Variants in FRAS1 observed in about 807,000 individuals in gnomAD.
FRAS1 encodes Fraser extracellular matrix complex subunit 1.
Under a neutral mutation model 435.2 loss-of-function variants are expected in FRAS1, and 290 were observed. The observed-to-expected ratio is 0.67, with a 90% CI of 0.61 to 0.73. The LOEUF (loss-of-function observed/expected upper bound fraction) is 0.73, where lower values mean the gene tolerates loss of function less well. FRAS1 is among the 30% of genes least tolerant of loss of function. The probability of loss-of-function intolerance (pLI) is 0.00; values close to 1 mark genes in which losing one functional copy is unlikely to be tolerated. For missense variants in FRAS1, 4,860 were observed against 5,001.5 expected (o/e 0.97, Z 0.85); for synonymous variants, 1,800 against 1,851.0 (o/e 0.97, Z 0.71).
At chr4:78,473,403 C>T (rs956527616) in intron 52 of FRAS1, 35 bp from the exon 53 acceptor site, 1 of 1,585,794 alleles carries the variant, frequency 6.3e-7, no homozygotes, top group Non-Finnish European at 8.6e-7. Context: ...CGTTACATCC[C>T]TGGGTTAATT....
intron 14 of FRAS1, among the ~76,000 whole-genome samples, chr4:78,304,637 T>C (rs956828419): frequency 6.6e-6 from 1 of 152,124 alleles, no homozygotes; most frequent in Non-Finnish European, 1.5e-5. Flanking sequence ...TTCTAGATTT[T>C]CTAGTTTATT....
chr4:78,117,573 C>G (rs574092242), intron 2 of FRAS1, among the ~76,000 whole-genome samples: 2 of 152,264 alleles, frequency 1.3e-5, no homozygotes, highest in South Asian at 2.1e-4. Flanking sequence ...CGCTTCATTT[C>G]ATTCATTTGC....
intron 2 of FRAS1, among the ~76,000 whole-genome samples, chr4:78,089,818 G>T (rs368516902): frequency 1.3e-4 from 19 of 151,924 alleles, no homozygotes; most frequent in African/African-American, 4.4e-4. Flanking sequence ...TAGAGAAATC[G>T]TGTCATGGGA....
chr4:78,288,675 A>C (rs1727735232), intron 14 of FRAS1, among the ~76,000 whole-genome samples: 1 of 152,064 alleles, frequency 6.6e-6, no homozygotes, highest in Non-Finnish European at 1.5e-5. Flanking sequence ...TTTATGCATA[A>C]AATAAGGAGA....
intron 5 of FRAS1, among the ~76,000 whole-genome samples, chr4:78,254,914 G>A (rs541403465): frequency 1.3e-5 from 2 of 152,202 alleles, no homozygotes; most frequent in African/African-American, 4.8e-5. Flanking sequence ...GGTGCATAGG[G>A]CGCATGCAAC....
chr4:78,333,327 C>T lies in FRAS1; in HGVS notation c.2193C>T (p.Asp731=), dbSNP rs972344214. Residue 731 remains aspartate, a synonymous_variant, in exon 19 of 74, where the codon GAC becomes GAT. Coordinates refer to ENST00000512123, the MANE Select transcript of FRAS1 (RefSeq NM_025074.7). ...CAGKSPHNCT[D]CGPSHVLLDG... ...GGAAAAGCCCACATAACTGCACAGA[C>T]TGTGGGCCTTCCCATGTGCTGTTGG... 3 of 1,612,522 alleles carry T rather than the reference C, an allele frequency of 1.9e-6. No homozygotes were observed. Among genetic ancestry groups the T allele is most frequent in the African/African-American group, 2.7e-5 (2 of 74,920 alleles).
intron 14 of FRAS1, among the ~76,000 whole-genome samples, chr4:78,304,650 C>A (rs542253871): frequency 6.6e-6 from 1 of 151,870 alleles, no homozygotes; most frequent in Non-Finnish European, 1.5e-5. Context: ...AGTTTATTTG[C>A]GTAGAGGTGT....
At chr4:78,312,766 A>C (rs1729076936) in intron 15 of FRAS1, among the ~76,000 whole-genome samples, 4 of 152,074 alleles carry the variant, frequency 2.6e-5, no homozygotes, top group South Asian at 4.2e-4. Flanking sequence ...TGAGAGATTG[A>C]AGCAGCAGTG....
intron 18 of FRAS1, among the ~76,000 whole-genome samples, chr4:78,321,836 G>A (rs977119414): frequency 7.2e-5 from 7 of 96,920 alleles, no homozygotes; most frequent in Admixed American, 3.3e-4. Flanking sequence ...ACAAAACTTC[G>A]TCAAAAAAAA....
intron 63 of FRAS1, among the ~76,000 whole-genome samples, 169 bp downstream of exon 63, chr4:78,509,175 T>C (rs1246089125): frequency 6.6e-6 from 1 of 152,210 alleles, no homozygotes; most frequent in Non-Finnish European, 1.5e-5. Flanking sequence ...GGTTATATGC[T>C]GTAATAGAAA....
chr4:78,136,266 A>G (rs1719914187), intron 2 of FRAS1, among the ~76,000 whole-genome samples: 1 of 152,228 alleles, frequency 6.6e-6, no homozygotes, highest in Non-Finnish European at 1.5e-5. Flanking sequence ...TGTCTACAGT[A>G]TGGGAGCTGA....
intron 70 of FRAS1, among the ~76,000 whole-genome samples, chr4:78,529,364 C>CTA (rs1424073843): frequency 1.3e-5 from 2 of 151,826 alleles, no homozygotes; most frequent in African/African-American, 4.8e-5. Context: ...ATTCTGAAGA[C>CTA]TATATATATA....
chr4:78,432,911 A>G (rs988062721), intron 38 of FRAS1, among the ~76,000 whole-genome samples: 6 of 152,188 alleles, frequency 3.9e-5, no homozygotes, highest in African/African-American at 1.4e-4. Context: ...AGCTCCATTC[A>G]TTATATTCCC....
intron 2 of FRAS1, chr4:78,180,952 G>C: frequency 1.2e-6 from 2 of 1,610,134 alleles, no homozygotes; most frequent in Non-Finnish European, 1.7e-6. Flanking sequence ...CGGTTTGGGC[G>C]CCCACCACGC....
At chr4:78,061,728 A>G (rs1739769256) in intron 1 of FRAS1, among the ~76,000 whole-genome samples, 1 of 152,168 alleles carries the variant, frequency 6.6e-6, no homozygotes, top group Non-Finnish European at 1.5e-5. Flanking sequence ...TAATTCTTTT[A>G]TTCTGCAAGC....
At chr4:78,403,785 C>T (rs559299975) in intron 30 of FRAS1, among the ~76,000 whole-genome samples, 5 of 152,314 alleles carry the variant, frequency 3.3e-5, no homozygotes, top group African/African-American at 1.2e-4. Context: ...AACACCTAAC[C>T]TACCGAACAT....
intron 2 of FRAS1, among the ~76,000 whole-genome samples, chr4:78,133,219 A>G (rs1719762989): frequency 6.6e-6 from 1 of 152,210 alleles, no homozygotes; most frequent in Non-Finnish European, 1.5e-5. Flanking sequence ...TTGCAACAAC[A>G]TGTATGGAAC....
chr4:78,299,449 A>C (rs1728288862), intron 14 of FRAS1, among the ~76,000 whole-genome samples: 1 of 152,132 alleles, frequency 6.6e-6, no homozygotes, highest in South Asian at 2.1e-4. Context: ...GATTCCGGGG[A>C]TGAAACTCGG....
At chr4:78,372,044 G>T (rs1731536607) in intron 23 of FRAS1, among the ~76,000 whole-genome samples, 1 of 152,080 alleles carries the variant, frequency 6.6e-6, no homozygotes. Context: ...CCTTTATATT[G>T]CCCCCTCCTG....
Sources: allele counts gnomAD v4.1 joint callset (sites outside exome capture counted in the v4.1 genomes callset), GRCh38; gene constraint gnomAD v4.1.1; transcripts MANE v1.5; gene names NCBI Gene and HGNC (gene_info 2026-07-23, HGNC 2026-07-21).